Variants in SENP1 observed in about 807,000 individuals in gnomAD.
SENP1 encodes the protein SUMO specific peptidase 1.
In SENP1, 21 loss-of-function variants were observed where a neutral mutation model predicts 93.0. That is an observed-to-expected ratio of 0.23 (90% CI 0.16 to 0.33). SENP1 has a LOEUF of 0.33. SENP1 is among the 10% of genes least tolerant of loss of function. The probability of loss-of-function intolerance (pLI) is 1.00; values close to 1 mark genes in which losing one functional copy is unlikely to be tolerated. For synonymous variants in SENP1, 256 were observed against 259.6 expected (o/e 0.99, Z 0.13); for missense variants, 591 against 758.7 (o/e 0.78, Z 2.60).
At chr12:48,060,003 T>C (rs1275253333) in intron 13 of SENP1, among the ~76,000 whole-genome samples, 1 of 152,160 alleles carries the variant, frequency 6.6e-6, no homozygotes, top group Non-Finnish European at 1.5e-5. Context: ...TTTTCATACA[T>C]GCACAAATTG....
intron 3 of SENP1, among the ~76,000 whole-genome samples, chr12:48,096,880 G>A (rs1480556674): frequency 1.3e-5 from 2 of 152,144 alleles, no homozygotes; most frequent in African/African-American, 2.4e-5. Context: ...CGAGGCAGAA[G>A]AATCACTTGA....
At chr12:48,061,156 T>C (rs943654714) in intron 13 of SENP1, among the ~76,000 whole-genome samples, 1 of 152,226 alleles carries the variant, frequency 6.6e-6, no homozygotes, top group African/African-American at 2.4e-5. Flanking sequence ...TGATTCCTTT[T>C]ACTTCCTTGC....
At chr12:48,051,134 T>C (rs1941782494) in intron 13 of SENP1, among the ~76,000 whole-genome samples, 1 of 152,106 alleles carries the variant, frequency 6.6e-6, no homozygotes, top group Non-Finnish European at 1.5e-5. Flanking sequence ...ACATCACTAT[T>C]CTATTTTTCA....
intron 15 of SENP1, 36 bp downstream of exon 15, chr12:48,047,965 G>A (rs12297820): frequency 0.089 from 122,103 of 1,376,252 alleles, 6,273 homozygotes; most frequent in African/African-American, 0.12. Context: ...ACCTATACCC[G>A]ATATCAAACT....
chr12:48,055,715 TC>T (rs1199066839), intron 13 of SENP1: 2 of 150,692 alleles, frequency 1.3e-5, no homozygotes, highest in Non-Finnish European at 2.9e-5. Flanking sequence ...GTAAAATATC[TC>T]AATAGTATTT....
chr12:48,102,431 C>CAAAAAAAAAAAAAA (rs57161608), intron 1 of SENP1, among the ~76,000 whole-genome samples: 2 of 47,472 alleles, frequency 4.2e-5, no homozygotes, highest in East Asian at 8.7e-4. Context: ...GACTCTGTCT[C>CAAAAAAAAAAAAAA]AAAAAAAAAA....
intron 6 of SENP1, among the ~76,000 whole-genome samples, chr12:48,077,739 C>G (rs560858738): frequency 2.0e-5 from 3 of 152,104 alleles, no homozygotes; most frequent in Admixed American, 1.3e-4. Flanking sequence ...CCACTCCCCC[C>G]ACCCCACGAC....
At chr12:48,052,174 T>C (rs555649125) in intron 13 of SENP1, among the ~76,000 whole-genome samples, 1 of 152,324 alleles carries the variant, frequency 6.6e-6, no homozygotes, top group Admixed American at 6.5e-5. Flanking sequence ...GTTTTCAAAC[T>C]AAGGATTCAA....
At chr12:48,091,902 A>G (rs1440096160) in intron 4 of SENP1, among the ~76,000 whole-genome samples, 1 of 152,112 alleles carries the variant, frequency 6.6e-6, no homozygotes, top group African/African-American at 2.4e-5. Context: ...GCTGGTCTCA[A>G]ACTCTTGGGC....
chr12:48,045,311 T>C lies in SENP1; in HGVS notation c.*11A>G, dbSNP rs1941279079. 1 of 1,611,838 alleles carries C rather than the reference T, an allele frequency of 6.2e-7. No individual in the cohort carries two copies. On this transcript the variant is annotated 3_prime_UTR_variant, in exon 18 of 18. Transcript: ENST00000549518. ...CCCCACATGGTCAAGGTCTGCTAAG[T>C]GAGACAGTCTTCACAAGAGTTTTCG...
chr12:48,102,294 T>TG (rs961568198), intron 1 of SENP1, among the ~76,000 whole-genome samples: 4 of 151,808 alleles, frequency 2.6e-5, no homozygotes, highest in African/African-American at 9.7e-5. Flanking sequence ...TAGCCAGGTG[T>TG]GGTGATACGT....
At chr12:48,054,088 A>C (rs1942032945) in intron 13 of SENP1, among the ~76,000 whole-genome samples, 1 of 152,238 alleles carries the variant, frequency 6.6e-6, no homozygotes, top group South Asian at 2.1e-4. Flanking sequence ...GATAGGGCAT[A>C]GAGGGCTGAG....
chr12:48,087,041 C>T (rs1944920105), intron 5 of SENP1, among the ~76,000 whole-genome samples: 1 of 150,700 alleles, frequency 6.6e-6, no homozygotes. Flanking sequence ...TCCGTCTCAA[C>T]AAAACAAAAA....
intron 6 of SENP1, among the ~76,000 whole-genome samples, chr12:48,076,995 T>TC (rs1347202401): frequency 6.6e-6 from 1 of 152,168 alleles, no homozygotes; most frequent in Non-Finnish European, 1.5e-5. Context: ...CATCTTGTAG[T>TC]CCCCAGTGTC....
intron 2 of SENP1, chr12:48,099,051 G>A (rs553026286): frequency 2.0e-5 from 3 of 152,288 alleles, no homozygotes; most frequent in East Asian, 3.9e-4. Flanking sequence ...ACCAGGCAAG[G>A]TGGCTCACAC....
rs188679367 is a variant in SENP1 at position 48,076,255 on chromosome 12, T to C, written c.553-1462A>G. 2.6e-4 allele frequency among the ~76,000 whole-genome samples: 39 copies of C among 152,368 alleles called. No individual in the cohort carries two copies. The East Asian group carries it at 5.8e-3, about 23-fold the overall frequency. On this transcript the variant is annotated intron_variant, in intron 6 of 17. Transcript: ENST00000549518. Reference sequence around the variant, plus strand: ...ACCATCTCGTACTGTGATATTTCGATATGTGCTGGGACTACAGGCGCCCGC... The same window carrying C: ...ACCATCTCGTACTGTGATATTTCGACATGTGCTGGGACTACAGGCGCCCGC...
At chr12:48,068,547 C>T (rs1348093062) in intron 9 of SENP1, among the ~76,000 whole-genome samples, 6 of 152,096 alleles carry the variant, frequency 3.9e-5, no homozygotes, top group Non-Finnish European at 8.8e-5. Flanking sequence ...TCTTATCTGT[C>T]CAATTCCAAA....
At chr12:48,064,686 T>C (rs1167554679) in intron 12 of SENP1, among the ~76,000 whole-genome samples, 2 of 152,182 alleles carry the variant, frequency 1.3e-5, no homozygotes, top group African/African-American at 4.8e-5. Flanking sequence ...TTTGTGTGTG[T>C]GTGTATGTGA....
chr12:48,068,492 G>C (rs540585139), intron 9 of SENP1, among the ~76,000 whole-genome samples: 5 of 152,156 alleles, frequency 3.3e-5, no homozygotes, highest in African/African-American at 1.2e-4. Context: ...AAATGAAAAA[G>C]GAGGTTCAAA....
Sources: allele counts gnomAD v4.1 joint callset (sites outside exome capture counted in the v4.1 genomes callset), GRCh38; gene constraint gnomAD v4.1.1; transcripts MANE v1.5; gene names NCBI Gene and HGNC (gene_info 2026-07-23, HGNC 2026-07-21).